The following MPDZ variants were observed in gnomAD, a reference collection of about 807,000 sequenced individuals.
MPDZ encodes multiple PDZ domain protein.
Under a neutral mutation model 239.1 loss-of-function variants are expected in MPDZ, and 234 were observed. The ratio of observed to expected loss-of-function variants is 0.98; its 90% CI spans 0.88 to 1.09. The LOEUF (loss-of-function observed/expected upper bound fraction) is 1.09. MPDZ is among the 50% of genes least tolerant of loss of function. The pLI is 0.00. For synonymous variants in MPDZ, 1,048 were observed against 881.3 expected (o/e 1.19, Z -3.35); for missense variants, 3,175 against 2,510.0 (o/e 1.26, Z -5.66).
rs755600389 is a variant in MPDZ, at chr9:13,223,641, G to C, written c.463C>G (p.Leu155Val). 1 of 1,612,320 alleles carries C rather than the reference G, an allele frequency of 6.2e-7. No homozygotes were observed. The highest frequency in any genetic ancestry group is 1.7e-4 in the Middle Eastern group (1 of 6,046). ...AGCTCTCCTCTGTTTTCACTTCTTA[G>C]TCCCACAACACTAAACCCAAGGCCT... The part of the protein sequence containing the change: ...SGGLGFSVVG[L>V]RSENRGELGI... The change falls in exon 5 of 47, where the codon CTA (leucine) becomes GTA (valine). Residue 155 changes from leucine to valine, a missense_variant. Transcript: ENST00000319217.
intron 8 of MPDZ, 69 bp from the exon 9 acceptor site, chr9:13,217,363 A>C: frequency 1.0e-6 from 1 of 1,003,556 alleles, no homozygotes; most frequent in Non-Finnish European, 1.5e-6. Flanking sequence ...AAACAAACAA[A>C]CAAACAAAAA....
rs1959182644 is a variant in MPDZ at position 13,222,428 on chromosome 9, T to A, written c.552A>T (p.Glu184Asp). ...CATTGATAGCAAGAATTTGATCAGT[T>A]TCTTTCAATCTTCCATCTCTATCAA... ...SVAHRDGRLK[E>D]TDQILAINGQ... Residue 184 changes from glutamate to aspartate, a missense_variant, in exon 6 of 47, where the codon GAA becomes GAT. By Grantham distance (45) the Glu-to-Asp change is conservative. Transcript: ENST00000319217. 7 of 1,611,982 alleles carry A rather than the reference T, an allele frequency of 4.3e-6. No homozygotes were observed. The African/African-American group carries it at 5.3e-5, about 12-fold the overall frequency.
rs530539493 is a variant in MPDZ at position 13,205,966 on chromosome 9, T to C, written c.1424A>G (p.Asp475Gly). 3.1e-6 allele frequency: 5 copies of C among 1,610,212 alleles called. No individual in the cohort carries two copies. In the African/African-American group the frequency reaches 5.3e-5, roughly 17 times the overall value. The change falls in exon 11 of 47, where the codon GAC becomes GGC. Residue 475 changes from aspartate (D) to glycine (G), a missense_variant. Coordinates refer to ENST00000319217, the MANE Select transcript of MPDZ (RefSeq NM_001378778.1). ...AGACAAATCTGCATCTTTTGTGACG[T>C]CTTCCCTTGACATGAGCTCGGCTTC... is the stretch of plus-strand genomic sequence containing the variant. Reference protein sequence around the residue: ...KQEAELMSREDVTKDADLSPV... With the variant: ...KQEAELMSREGVTKDADLSPV...
At chr9:13,167,275 G>A (rs1206626107) in intron 22 of MPDZ, among the ~76,000 whole-genome samples, 1 of 151,920 alleles carries the variant, frequency 6.6e-6, no homozygotes. Context: ...AGGCAGTTAA[G>A]GAACAGTAAT....
chr9:13,169,794 G>A (rs1446421593), intron 21 of MPDZ, among the ~76,000 whole-genome samples: 2 of 152,124 alleles, frequency 1.3e-5, no homozygotes, highest in Non-Finnish European at 2.9e-5. Context: ...GTGCATCCTT[G>A]CTTTGTGTTA....
chr9:13,279,068 G>A (rs1974950183), intron 1 of MPDZ: 1 of 152,234 alleles, frequency 6.6e-6, no homozygotes, highest in South Asian at 2.1e-4. Flanking sequence ...GGTGGCGGGG[G>A]TGCTGAAAGG....
chr9:13,110,422 T>G (rs1389006797), intron 44 of MPDZ, among the ~76,000 whole-genome samples: 2 of 152,192 alleles, frequency 1.3e-5, no homozygotes, highest in Non-Finnish European at 2.9e-5. Flanking sequence ...TTTTTCCCCT[T>G]AAAGTATAAA....
intron 1 of MPDZ, 29 bp from the exon 2 acceptor site, chr9:13,250,401 G>C (rs1391882458): frequency 4.2e-6 from 5 of 1,186,796 alleles, no homozygotes; most frequent in Middle Eastern, 1.9e-4. Flanking sequence ...GAATGGTTAT[G>C]TTTTATCAGA....
In MPDZ at chr9:13,126,671, A is replaced by C. The variant is rs756823844; in HGVS notation, c.4557+9T>G. 6.2e-7 allele frequency: 1 copy of C among 1,613,392 alleles called. No homozygotes were observed. The highest frequency in any genetic ancestry group is 2.2e-5 in the East Asian group (1 of 44,858). The stretch of plus-strand genomic sequence containing the variant: ...ACTACTTAATGACAGCAAGAAAGGT[A>C]AACCTCACCGTGGCTGCTACCCCAT... On this transcript the variant is annotated intron_variant, in intron 33 of 46. Coordinates refer to ENST00000319217, the MANE Select transcript of MPDZ (RefSeq NM_001378778.1).
At chr9:13,126,415 A>T (rs776816822) in intron 34 of MPDZ, 101 bp downstream of exon 34, 8 of 713,606 alleles carry the variant, frequency 1.1e-5, no homozygotes, top group African/African-American at 1.8e-5. Flanking sequence ...CATGTCTAAT[A>T]CAGCTACATA....
At chr9:13,208,186 G>A (rs1293673441) in intron 10 of MPDZ, among the ~76,000 whole-genome samples, 1 of 152,182 alleles carries the variant, frequency 6.6e-6, no homozygotes, top group Non-Finnish European at 1.5e-5. Flanking sequence ...CTAATGCCTA[G>A]TAATCCCAGC....
At chr9:13,178,339 C>T (rs186369083) in intron 19 of MPDZ, among the ~76,000 whole-genome samples, 50 of 151,840 alleles carry the variant, frequency 3.3e-4, no homozygotes, top group Non-Finnish European at 6.0e-4. Context: ...TATGGGAATA[C>T]CTGTTAATGA....
At chr9:13,268,615 G>A (rs554894833) in intron 1 of MPDZ, among the ~76,000 whole-genome samples, 1 of 152,286 alleles carries the variant, frequency 6.6e-6, no homozygotes, top group African/African-American at 2.4e-5. Flanking sequence ...GAGTCAGAAA[G>A]AATTTGTAAG....
chr9:13,227,661 T>C (rs1218762241), intron 3 of MPDZ, among the ~76,000 whole-genome samples: 2 of 152,126 alleles, frequency 1.3e-5, no homozygotes, highest in African/African-American at 4.8e-5. Context: ...ACAGGCATTC[T>C]AAGAGTAAAG....
intron 24 of MPDZ, among the ~76,000 whole-genome samples, chr9:13,151,961 GA>G (rs1327981574): frequency 6.6e-6 from 1 of 152,018 alleles, no homozygotes. Flanking sequence ...ATGTATTTCT[GA>G]AAATGATTTG....
chr9:13,186,440 G>T, intron 17 of MPDZ, 54 bp from the exon 18 acceptor site: 2 of 1,278,988 alleles, frequency 1.6e-6, no homozygotes, highest in Non-Finnish European at 2.2e-6. Flanking sequence ...AAAGAAGAAA[G>T]AAAATGGAAA....
intron 24 of MPDZ, among the ~76,000 whole-genome samples, chr9:13,152,477 A>T (rs1949303852): frequency 6.6e-6 from 1 of 152,116 alleles, no homozygotes; most frequent in Admixed American, 6.6e-5. Context: ...GGAGTTTCCC[A>T]GTACAAGCTC....
intron 22 of MPDZ, among the ~76,000 whole-genome samples, chr9:13,164,532 C>T (rs1412105): frequency 1.9e-3 from 286 of 151,978 alleles, no homozygotes; most frequent in Middle Eastern, 3.4e-3. Context: ...GGAAGAAAGG[C>T]AGGATAGAAT....
chr9:13,279,197 C>T (rs1447842057), intron 1 of MPDZ: 1 of 147,574 alleles, frequency 6.8e-6, no homozygotes, highest in Non-Finnish European at 1.5e-5. Flanking sequence ...CGCCGGGCCG[C>T]GCGGGGTGGG....
Sources: gnomAD v4.1 joint callset for allele counts (sites outside exome capture counted in the v4.1 genomes callset) on GRCh38, gnomAD v4.1.1 for gene constraint, MANE v1.5 for transcripts, NCBI Gene and HGNC (gene_info 2026-07-23, HGNC 2026-07-21) for gene names.